Variants in WWOX observed in about 807,000 individuals in gnomAD.
WWOX encodes the protein WW domain-containing oxidoreductase.
In WWOX, 69 loss-of-function variants were observed where a neutral mutation model predicts 46.2. The observed-to-expected ratio is 1.49, with a 90% CI of 1.23 to 1.82. The LOEUF is 1.82. Among genes scored for constraint, WWOX ranks in the 40% most tolerant of loss-of-function variants. WWOX has a pLI of 0.00. For synonymous variants in WWOX, 359 were observed against 202.6 expected, an observed-to-expected ratio of 1.77 and a Z score of -6.56; for missense variants, 919 against 542.6, an observed-to-expected ratio of 1.69 and a Z score of -6.89.
chr16:78,491,719 C>T (rs2084789505), intron 8 of WWOX, among the ~76,000 whole-genome samples: 1 of 152,132 alleles, frequency 6.6e-6, no homozygotes. Context: ...GAATCACTGA[C>T]TGAAAACTGG....
chr16:78,204,088 G>T (rs899308664), intron 5 of WWOX, among the ~76,000 whole-genome samples: 3 of 152,234 alleles, frequency 2.0e-5, no homozygotes, highest in Non-Finnish European at 4.4e-5. Context: ...GGCACAGTCT[G>T]CCCGGAGACG....
At chr16:78,859,674 G>A (rs1228566225) in intron 8 of WWOX, among the ~76,000 whole-genome samples, 3 of 152,130 alleles carry the variant, frequency 2.0e-5, no homozygotes, top group South Asian at 2.1e-4. Context: ...AGAGCAGGGC[G>A]AGTAATGTAC....
intron 5 of WWOX, among the ~76,000 whole-genome samples, chr16:78,203,244 C>A (rs532513730): frequency 1.3e-5 from 2 of 152,240 alleles, no homozygotes; most frequent in East Asian, 3.9e-4. Context: ...AAGAGACCCA[C>A]CTTTGCCTGC....
chr16:78,568,755 A>G (rs116946452), intron 8 of WWOX, among the ~76,000 whole-genome samples: 2,733 of 152,232 alleles, frequency 0.018, 47 homozygotes, highest in Admixed American at 0.043. Context: ...GATTGCAGGC[A>G]TGAGCCACAG....
intron 8 of WWOX, among the ~76,000 whole-genome samples, chr16:78,600,212 C>T (rs569912562): frequency 1.3e-5 from 2 of 152,030 alleles, no homozygotes; most frequent in South Asian, 2.1e-4. Flanking sequence ...CACCGGGGCC[C>T]TCCCACAACA....
intron 5 of WWOX, among the ~76,000 whole-genome samples, chr16:78,363,664 G>C (rs1219311426): frequency 6.6e-6 from 1 of 152,102 alleles, no homozygotes; most frequent in Non-Finnish European, 1.5e-5. Context: ...AAATATACTT[G>C]ACCACCACCA....
chr16:78,352,845 T>C (rs1382921874), intron 5 of WWOX, among the ~76,000 whole-genome samples: 2 of 152,172 alleles, frequency 1.3e-5, no homozygotes, highest in Non-Finnish European at 2.9e-5. Context: ...GATAGATCCT[T>C]CTGGATTGGC....
At chr16:78,596,320 G>T (rs2045488958) in intron 8 of WWOX, among the ~76,000 whole-genome samples, 1 of 152,092 alleles carries the variant, frequency 6.6e-6, no homozygotes, top group African/African-American at 2.4e-5. Context: ...CTAGGCCTGG[G>T]TCTACAGCAG....
intron 5 of WWOX, among the ~76,000 whole-genome samples, chr16:78,258,268 C>G (rs770144090): frequency 6.6e-6 from 1 of 152,114 alleles, no homozygotes; most frequent in Non-Finnish European, 1.5e-5. Context: ...AACGTACCAG[C>G]AAATTCTACC....
chr16:78,888,323 T>G (rs2044511649), intron 8 of WWOX, among the ~76,000 whole-genome samples: 1 of 152,200 alleles, frequency 6.6e-6, no homozygotes, highest in Non-Finnish European at 1.5e-5. Context: ...TTCCTTGATT[T>G]GTTGTTTCCT....
chr16:78,338,764 T>C (rs1326766895), intron 5 of WWOX, among the ~76,000 whole-genome samples: 1 of 121,910 alleles, frequency 8.2e-6, no homozygotes, highest in East Asian at 1.9e-4. Context: ...TCTCTTTTTC[T>C]GTTTTCTTCT....
chr16:78,777,658 T>G (rs764769738), intron 8 of WWOX, among the ~76,000 whole-genome samples: 6 of 152,082 alleles, frequency 3.9e-5, no homozygotes, highest in Non-Finnish European at 8.8e-5. Flanking sequence ...CAGGGCAGAC[T>G]CCCCAGCACA....
intron 8 of WWOX, among the ~76,000 whole-genome samples, chr16:78,767,573 G>C (rs754522323): frequency 1.3e-5 from 2 of 151,874 alleles, no homozygotes; most frequent in African/African-American, 4.8e-5. Flanking sequence ...CGATTCTTCT[G>C]CATGTATACC....
At chr16:78,274,301 T>A (rs2079538495) in intron 5 of WWOX, among the ~76,000 whole-genome samples, 1 of 152,218 alleles carries the variant, frequency 6.6e-6, no homozygotes, top group East Asian at 1.9e-4. Context: ...GAATGATCAC[T>A]GTTCCTTCCA....
chr16:78,400,170 C>G (rs979751346), intron 6 of WWOX, among the ~76,000 whole-genome samples: 19 of 152,256 alleles, frequency 1.2e-4, no homozygotes, highest in African/African-American at 4.6e-4. Flanking sequence ...CGGTCACTTA[C>G]TCGTCATCAA....
chr16:78,725,850 A>T (rs961252388), intron 8 of WWOX, among the ~76,000 whole-genome samples: 8 of 150,460 alleles, frequency 5.3e-5, no homozygotes, highest in African/African-American at 1.2e-4. Flanking sequence ...TAGGTGCATC[A>T]CTCCAATCTG....
At chr16:79,088,097 C>G (rs528647700) in intron 8 of WWOX, among the ~76,000 whole-genome samples, 2 of 152,292 alleles carry the variant, frequency 1.3e-5, no homozygotes, top group Admixed American at 1.3e-4. Flanking sequence ...TCATCTGGTA[C>G]TCTTGACTCT....
rs11370352 is a variant in WWOX at position 78,458,058 on chromosome 16, C to CAAA, written c.1056+25314_1056+25316dup. On this transcript the variant is annotated intron_variant, in intron 8 of 8. Coordinates refer to ENST00000566780, the MANE Select transcript of WWOX (RefSeq NM_016373.4). ...TGCCACTGCACTCCAGCCTGGGTGACAAAAAAAAAACTTTACCTGGGCTTA... is the reference window on the plus strand; with the variant it reads ...TGCCACTGCACTCCAGCCTGGGTGACAAAAAAAAAAAAACTTTACCTGGGCTTA... Among the ~76,000 whole-genome samples, 91 of 148,298 alleles carry CAAA rather than the reference C, an allele frequency of 6.1e-4. 2 individuals are homozygous for CAAA. Among genetic ancestry groups the CAAA allele is most frequent in the Middle Eastern group, 3.5e-3 (1 of 288 alleles).
In WWOX at chr16:78,530,991, T is replaced by C. The variant is rs1224190393; in HGVS notation, c.1056+98239T>C. On this transcript the variant is annotated intron_variant, in intron 8 of 8. Transcript: ENST00000566780. ...GAGAATTGATATTACTCTGCAAATA[T>C]GGAATTGGAATTTCAAAGCAATCTA... Among the ~76,000 whole-genome samples the C allele has an allele frequency of 5.9e-5, 9 of 152,354 alleles. No homozygotes were observed. In the South Asian group the frequency reaches 1.2e-3, roughly 21 times the overall value.
Sources: allele counts gnomAD v4.1 joint callset (sites outside exome capture counted in the v4.1 genomes callset), GRCh38; gene constraint gnomAD v4.1.1; transcripts MANE v1.5; gene names NCBI Gene and HGNC (gene_info 2026-07-23, HGNC 2026-07-21).